RIF1: variants seen among roughly 807,000 people sequenced by gnomAD.
RIF1 encodes replication timing regulatory factor 1.
RIF1 carries 45 observed loss-of-function variants against 247.1 expected under a neutral mutation model. That is an observed-to-expected ratio of 0.18 (90% CI 0.14 to 0.23). RIF1 has a LOEUF of 0.23. RIF1 is among the 10% of genes least tolerant of loss of function. The pLI, the probability that RIF1 is intolerant of heterozygous loss-of-function variation, is 1.00. For missense variants in RIF1, 2,967 were observed against 2,862.5 expected, an observed-to-expected ratio of 1.04 and a Z score of -0.83; for synonymous variants, 1,087 against 978.8, an observed-to-expected ratio of 1.11 and a Z score of -2.06.
At position 151,416,139 on chromosome 2, in the gene RIF1, A is replaced by G. The variant is rs184508650; in HGVS notation, c.281-422A>G. ...TTTAGAGAAGGGAAGTTAGGAATAA[A>G]GATGTCAAAGTTGTTACCATCTGTT... On this transcript the variant is annotated intron_variant, in intron 4 of 35. Coordinates refer to ENST00000444746, the MANE Select transcript of RIF1 (RefSeq NM_018151.5). Among the ~76,000 whole-genome samples the G allele has an allele frequency of 3.2e-3, 494 of 152,328 alleles. 4 individuals are homozygous for G. The highest frequency in any genetic ancestry group is 0.011 in the African/African-American group (468 of 41,562).
downstream of RIF1, chr2:151,512,869 G>T: frequency 6.9e-7 from 1 of 1,443,810 alleles, no homozygotes; most frequent in Non-Finnish European, 9.7e-7. Flanking sequence ...TTGGGTAAAT[G>T]TTTGCAATGT....
chr2:151,460,004 A>C lies in RIF1; in HGVS notation c.2960A>C (p.Glu987Ala), dbSNP rs759247998. 6.5e-7 allele frequency: 1 copy of C among 1,529,108 alleles called. No individual in the cohort carries two copies. Among genetic ancestry groups the C allele is most frequent in the Non-Finnish European group, 8.8e-7 (1 of 1,133,770 alleles). The allele number at this position is 1,529,108 out of a possible 1,614,324, so 94.7% of individuals were successfully genotyped here. The change falls in exon 26 of 36, where the codon GAA becomes GCA. Residue 987 changes from glutamate (E) to alanine (A), a missense_variant. This residue lies in a region of RIF1 where 2,028 missense variants were observed against 1,825.6 expected (regional missense o/e 1.11). Coordinates refer to ENST00000444746, the MANE Select transcript of RIF1 (RefSeq NM_018151.5). ...ESSGPYSDGT[E>A]NSQLNVKISG... Reference sequence around the variant, plus strand: ...GTTTCATTTTTAATAAAACAGACAGAAAATTCACAACTAAATGTGAAGATA... The same window carrying C: ...GTTTCATTTTTAATAAAACAGACAGCAAATTCACAACTAAATGTGAAGATA...
At chr2:151,461,413 A>G (rs1250363796) in intron 27 of RIF1, 124 bp downstream of exon 27, 10 of 797,582 alleles carry the variant, frequency 1.3e-5, no homozygotes, top group Non-Finnish European at 2.0e-5. Flanking sequence ...TTTTTTTGAC[A>G]CGGAGTTTCA....
At chr2:151,501,546 C>T (rs1405864131) in intron 11 of RIF1, 8 of 894,880 alleles carry the variant, frequency 8.9e-6, no homozygotes, top group Non-Finnish European at 1.1e-5. Flanking sequence ...TAGACTTAAC[C>T]TAAAAAAACA....
chr2:151,429,373 G>T (rs376215561), intron 9 of RIF1, among the ~76,000 whole-genome samples: 3 of 152,098 alleles, frequency 2.0e-5, no homozygotes, highest in Admixed American at 2.0e-4. Context: ...TAGAGACAGG[G>T]TTTCACTATG....
rs551010546 is a variant in RIF1 at position 151,480,822 on chromosome 2, G to C, written c.*5751G>C. On this transcript the variant is annotated 3_prime_UTR_variant, in exon 36 of 36. Transcript: ENST00000444746. Reference sequence around the variant, plus strand: ...AAGAAAACAATTAAGAGCAAAATTGGTTTTGAGTATAGAAACTGAAGGATG... The same window carrying C: ...AAGAAAACAATTAAGAGCAAAATTGCTTTTGAGTATAGAAACTGAAGGATG... 5 of 152,160 alleles carry C rather than the reference G, an allele frequency of 3.3e-5. No individual in the cohort carries two copies. The highest frequency in any genetic ancestry group is 1.2e-4 in the African/African-American group (5 of 41,446). The allele number at this position is 152,160 out of a possible 1,614,324, so 9.4% of individuals were successfully genotyped here. A position where few individuals can be genotyped will look rare whatever the true frequency, so the allele number is the denominator to read the frequency against.
In RIF1 at chr2:151,496,201, TA is replaced by T. The variant is rs2152934259; in HGVS notation, c.*513+877del. The T allele has an allele frequency of 4.3e-6, 6 of 1,387,248 alleles. No individual in the cohort carries two copies. In the South Asian group the frequency reaches 7.7e-5, roughly 18 times the overall value. 85.9% of individuals were successfully genotyped at this position (1,387,248 alleles called of 1,614,324 possible). A position where few individuals can be genotyped will look rare whatever the true frequency, so the allele number is the denominator to read the frequency against. Reference sequence around the variant, plus strand: ...TTAAGTTGTCTTTAAAAAGTAGGATTAATATGTATTATTTTAAATCATAAAA... The same window carrying T: ...TTAAGTTGTCTTTAAAAAGTAGGATTATATGTATTATTTTAAATCATAAAA... On this transcript the variant is annotated intron_variant and NMD_transcript_variant, in intron 10 of 13. Transcript: ENST00000454583.
chr2:151,435,656 A>C, intron 11 of RIF1, 76 bp downstream of exon 11: 1 of 307,284 alleles, frequency 3.3e-6, no homozygotes, highest in Admixed American at 5.3e-5. Context: ...TTGAAGTAGG[A>C]AAAAAAAAGG....
rs771286726 is a variant in RIF1 at position 151,464,607 on chromosome 2, A to C, written c.5087A>C (p.Glu1696Ala). 1.5e-5 allele frequency: 25 copies of C among 1,613,732 alleles called. No homozygotes were observed. The highest frequency in any genetic ancestry group is 1.9e-5 in the Non-Finnish European group (23 of 1,179,778). The change falls in exon 30 of 36, where the codon GAA becomes GCA. Residue 1696 changes from glutamate (E) to alanine (A), a missense_variant. Coordinates refer to ENST00000444746, the MANE Select transcript of RIF1 (RefSeq NM_018151.5). ...TCTTTTGATAATTGTAGTTTGGGAG[A>C]ATCCTCAAAAATAGGGATATCAGAT... Reference protein sequence around the residue: ...RDSFDNCSLGESSKIGISDIS... With the variant: ...RDSFDNCSLGASSKIGISDIS...
Position 151,463,884 on chromosome 2 carries a change from C to T in RIF1, c.4364C>T (p.Pro1455Leu). Residue 1455 changes from proline (P) to leucine (L), a missense_variant, in exon 30 of 36, where the codon CCA becomes CTA. This residue lies in a region of RIF1 where 2,028 missense variants were observed against 1,825.6 expected (regional missense o/e 1.11). Coordinates refer to ENST00000444746, the MANE Select transcript of RIF1 (RefSeq NM_018151.5). ...KEEEKPLQKS[P>L]LHIKDDVLPK... ...GAAGAAAAACCTCTTCAGAAGAGTC[C>T]ATTGCATATAAAAGATGATGTGTTA... is the stretch of plus-strand genomic sequence containing the variant. The T allele has an allele frequency of 1.9e-6, 3 of 1,613,436 alleles. No individual in the cohort carries two copies. The highest frequency in any genetic ancestry group is 1.1e-5 in the South Asian group (1 of 90,950).
rs1156807834 is a variant in RIF1 at position 151,463,767 on chromosome 2, G to C, written c.4247G>C (p.Arg1416Pro). ...ACTCCAAATCAGAAAACCCTTAGACGGTCTTCAAGGCGACGTTCAGAAGTA... is the reference window on the plus strand; with the variant it reads ...ACTCCAAATCAGAAAACCCTTAGACCGTCTTCAAGGCGACGTTCAGAAGTA... ...QITPNQKTLR[R>P]SSRRRSEVVE... Residue 1416 changes from arginine to proline, a missense_variant, in exon 30 of 36, where the codon CGG (arginine) becomes CCG (proline). Arg to Pro is a moderately radical substitution (Grantham distance 103). Around this residue, in one of 7 missense-constraint regions of RIF1, gnomAD observed 2,028 missense variants for 1,825.6 expected, o/e 1.11. Transcript: ENST00000444746. 2 of 1,613,760 alleles carry C rather than the reference G, an allele frequency of 1.2e-6. No individual in the cohort carries two copies. Among genetic ancestry groups the C allele is most frequent in the Non-Finnish European group, 1.7e-6 (2 of 1,179,938 alleles).
chr2:151,418,976 T>C (rs1310184757), intron 6 of RIF1, among the ~76,000 whole-genome samples: 3 of 149,666 alleles, frequency 2.0e-5, no homozygotes, highest in Non-Finnish European at 4.5e-5. Flanking sequence ...TTCTTTTTTT[T>C]TTTTTTTTTT....
chr2:151,514,734 A>G, the RIF1 span: 12 of 992,880 alleles, frequency 1.2e-5, no homozygotes, highest in Non-Finnish European at 1.8e-5. Flanking sequence ...GTGGTGATGT[A>G]AATGGTAGGA....
Position 151,437,273 on chromosome 2 carries a change from T to C in RIF1, c.1405T>C (p.Ser469Pro). ...GGAACATCCGTTAATCAGCAGCCCT[T>C]CCTTTTTTTCCAAACATGCAAATAC... is the stretch of plus-strand genomic sequence containing the variant. Reference protein sequence around the residue: ...PLEHPLISSPSFFSKHANTLI... With the variant: ...PLEHPLISSPPFFSKHANTLI... The change falls in exon 13 of 36, where the codon TCC becomes CCC. Residue 469 changes from serine to proline, a missense_variant. Physicochemically the swap from Ser to Pro is moderately conservative, Grantham distance 74. Coordinates refer to ENST00000444746, the MANE Select transcript of RIF1 (RefSeq NM_018151.5). 1 of 1,613,954 alleles carries C rather than the reference T, an allele frequency of 6.2e-7. No individual in the cohort carries two copies. Among genetic ancestry groups the C allele is most frequent in the Non-Finnish European group, 8.5e-7 (1 of 1,179,830 alleles).
rs1020375700 is a variant in RIF1, at chr2:151,459,885, A to G, written c.2956-115A>G. 21 of 871,566 alleles carry G rather than the reference A, an allele frequency of 2.4e-5. No homozygotes were observed. In the East Asian group the frequency reaches 4.7e-4, roughly 20 times the overall value. The allele number at this position is 871,566 out of a possible 1,614,324, so 54.0% of individuals were successfully genotyped here. ...GATTTTTATGGGATTGAATAATTAG[A>G]AAAATTTTGACAATATTTGCAATTA... On this transcript the variant is annotated intron_variant, in intron 25 of 35. Transcript: ENST00000444746.
chr2:151,466,547 T>TG (rs1346954047), intron 30 of RIF1, among the ~76,000 whole-genome samples: 7 of 151,756 alleles, frequency 4.6e-5, no homozygotes, highest in African/African-American at 1.7e-4. Context: ...CCATATCTAA[T>TG]TAAAAAAAAA....
intron 10 of RIF1, among the ~76,000 whole-genome samples, chr2:151,434,069 G>A (rs1690681813): frequency 6.6e-6 from 1 of 151,650 alleles, no homozygotes. Context: ...CTACTCGGGA[G>A]GCTGAGGAGA....
chr2:151,524,103 A>T, the RIF1 span, among the ~76,000 whole-genome samples: 1 of 152,196 alleles, frequency 6.6e-6, no homozygotes, highest in African/African-American at 2.4e-5. Context: ...ATGCCCATAA[A>T]TGGTAAAGTG....
In RIF1 at chr2:151,466,022, C is replaced by A. The variant is rs748231523; in HGVS notation, c.6502C>A (p.Arg2168Ser). 1 of 1,613,832 alleles carries A rather than the reference C, an allele frequency of 6.2e-7. No individual in the cohort carries two copies. Among genetic ancestry groups the A allele is most frequent in the Admixed American group, 1.7e-5 (1 of 59,988 alleles). ...ANDSPSGMQT[R>S]CVWSPLASPS... is the part of the protein sequence containing the mutation. ...TGACAGTCCTAGTGGCATGCAGACA[C>A]GCTGTGTCTGGTCTCCTTTGGCTTC... The change falls in exon 30 of 36, where the codon CGC (arginine) becomes AGC (serine). Residue 2168 changes from arginine to serine, a missense_variant. Arg to Ser is a moderately radical substitution (Grantham distance 110). Coordinates refer to ENST00000444746, the MANE Select transcript of RIF1 (RefSeq NM_018151.5).
Sources: gnomAD v4.1 joint callset for allele counts (sites outside exome capture counted in the v4.1 genomes callset) on GRCh38, gnomAD v4.1.1 for gene constraint, gnomAD v4.1.1 regional missense constraint, MANE v1.5 for transcripts, NCBI Gene and HGNC (gene_info 2026-07-23, HGNC 2026-07-21) for gene names.